CASP4: variants seen among roughly 807,000 people sequenced by gnomAD.
The protein encoded by CASP4 is caspase 4.
A neutral mutation model predicts 41.3 loss-of-function variants in CASP4; 29 were observed. The ratio of observed to expected loss-of-function variants is 0.70; its 90% CI spans 0.52 to 0.96. The LOEUF (loss-of-function observed/expected upper bound fraction) is 0.96, where lower values mean the gene tolerates loss of function less well. Ranked by LOEUF, CASP4 falls within the 40% of genes least tolerant of loss-of-function variation. The probability of loss-of-function intolerance (pLI) is 0.00; values close to 1 mark genes in which losing one functional copy is unlikely to be tolerated. For missense variants in CASP4, 447 were observed against 460.6 expected (o/e 0.97, Z 0.27); for synonymous variants, 185 against 158.4 (o/e 1.17, Z -1.26).
At chr11:104,949,869 T>G in intron 4 of CASP4, 92 bp from the exon 5 acceptor site, 6 of 1,181,280 alleles carry the variant, frequency 5.1e-6, no homozygotes, top group South Asian at 1.3e-5. Context: ...GAAACATATG[T>G]AACATCCAGG....
intron 2 of CASP4, among the ~76,000 whole-genome samples, chr11:104,953,305 G>A (rs1358689449): frequency 6.6e-6 from 1 of 152,084 alleles, no homozygotes. Context: ...CCTGTGAGGG[G>A]TTGCCGCTGC....
chr11:104,962,922 C>T (rs1391414121), intron 1 of CASP4, among the ~76,000 whole-genome samples: 1 of 152,196 alleles, frequency 6.6e-6, no homozygotes, highest in Non-Finnish European at 1.5e-5. Context: ...TGGATAGCTT[C>T]TGATTTCCTC....
chr11:104,958,960 CAAAAAAAAAAA>C (rs56678254), intron 1 of CASP4, among the ~76,000 whole-genome samples: 2 of 62,466 alleles, frequency 3.2e-5, no homozygotes, highest in African/African-American at 1.2e-4. Flanking sequence ...GACTCTGTCT[CAAAAAAAAAAA>C]AAAAAAAAAA....
At chr11:104,952,113 G>A in intron 2 of CASP4, 108 bp from the exon 3 acceptor site, 1 of 670,164 alleles carries the variant, frequency 1.5e-6, no homozygotes, top group Non-Finnish European at 2.7e-6. Context: ...TTCACATATA[G>A]GGGTTTTAGT....
chr11:104,942,869 G>A lies in CASP4; in HGVS notation c.*110C>T, dbSNP rs56380626. On this transcript the variant is annotated 3_prime_UTR_variant, in exon 9 of 9. Transcript: ENST00000444739. ...TCTCTATTAGAAAAAGACACAGTTC[G>A]TTTGTCTTCACTTTTATTGAAATAC... 9.8e-3 allele frequency: 4,465 copies of A among 456,068 alleles called. 189 individuals are homozygous for A. Among genetic ancestry groups the A allele is most frequent in the African/African-American group, 0.08 (4,025 of 50,116 alleles). The allele number at this position is 456,068 out of a possible 1,614,324, so 28.3% of individuals were successfully genotyped here.
chr11:104,961,859 TGGAGAAAGTTCAATA>T (rs1860868150), intron 1 of CASP4, among the ~76,000 whole-genome samples: 1 of 152,200 alleles, frequency 6.6e-6, no homozygotes, highest in Admixed American at 6.5e-5. Context: ...CGATGAGCCC[TGGAGAAAGTTCAATA>T]GGCCTGTCTC....
intron 4 of CASP4, 22 bp downstream of exon 4, chr11:104,950,903 G>T (rs1471874180): frequency 5.0e-6 from 8 of 1,605,450 alleles, no homozygotes; most frequent in Non-Finnish European, 6.8e-6. Context: ...GTATGTGTTT[G>T]TGGCGGCTGA....
chr11:104,964,078 T>C (rs1860920651), intron 1 of CASP4, among the ~76,000 whole-genome samples: 1 of 152,232 alleles, frequency 6.6e-6, no homozygotes, highest in Admixed American at 6.5e-5. Flanking sequence ...ATTATAATTG[T>C]TATACAAAAT....
intron 1 of CASP4, 128 bp from the exon 2 acceptor site, chr11:104,955,129 T>C (rs898401067): frequency 1.1e-4 from 103 of 899,040 alleles, no homozygotes; most frequent in Non-Finnish European, 1.6e-4. Flanking sequence ...TGTCTTCTTG[T>C]ACCTATAGAG....
In CASP4 at chr11:104,968,543, CT is replaced by C; in HGVS notation, c.-19del. ...CCTGCCATAGGGAACAGCCTCTGTC[CT>C]TTTTTACAGCGTTGGAAAGAGCCTC... On this transcript the variant is annotated 5_prime_UTR_variant, in exon 1 of 9. Transcript: ENST00000444739. 1 of 1,612,714 alleles carries C rather than the reference CT, an allele frequency of 6.2e-7. No individual in the cohort carries two copies.
At chr11:104,952,131 C>G (rs1860632157) in intron 2 of CASP4, 126 bp from the exon 3 acceptor site, 19 of 612,818 alleles carry the variant, frequency 3.1e-5, no homozygotes, top group Non-Finnish European at 5.3e-5. Flanking sequence ...AGTTGTATCT[C>G]ATATCTAGTA....
rs1444699460 is a variant in CASP4 at position 104,947,137 on chromosome 11, G to A, written c.981C>T (p.Ile327=). Residue 327 remains isoleucine, a synonymous_variant, in exon 7 of 9, where the codon ATC becomes ATT. Coordinates refer to ENST00000444739, the MANE Select transcript of CASP4 (RefSeq NM_001225.4). ...TMGSIFITQL[I]TCFQKYSWCC... ...ACCAAGAATATTTCTGGAAGCATGT[G>A]ATGAGTTGTGTGATGAAGATAGAGC... 5 of 1,613,106 alleles carry A rather than the reference G, an allele frequency of 3.1e-6. No homozygotes were observed. Among genetic ancestry groups the A allele is most frequent in the Non-Finnish European group, 4.2e-6 (5 of 1,179,340 alleles).
chr11:104,949,515 C>T, intron 5 of CASP4, 28 bp downstream of exon 5: 1 of 1,606,738 alleles, frequency 6.2e-7, no homozygotes, highest in Non-Finnish European at 8.5e-7. Context: ...ACCTTCATAA[C>T]TGTTAGATGT....
intron 7 of CASP4, among the ~76,000 whole-genome samples, chr11:104,946,123 A>G (rs968373812): frequency 6.6e-6 from 1 of 152,174 alleles, no homozygotes; most frequent in Non-Finnish European, 1.5e-5. Flanking sequence ...CTGGGATTAC[A>G]GGAATGAGTG....
intron 1 of CASP4, among the ~76,000 whole-genome samples, chr11:104,957,803 A>AC (rs1260623691): frequency 6.6e-6 from 1 of 152,056 alleles, no homozygotes; most frequent in African/African-American, 2.4e-5. Flanking sequence ...ATGGAATCAC[A>AC]CACAAAAAAA....
chr11:104,951,765 A>G, intron 3 of CASP4, 131 bp downstream of exon 3: 1 of 700,448 alleles, frequency 1.4e-6, no homozygotes, highest in Non-Finnish European at 2.6e-6. Context: ...TCTTTCCCTT[A>G]GTAAAAGCAT....
intron 5 of CASP4, 55 bp from the exon 6 acceptor site, chr11:104,948,731 A>G: frequency 6.7e-7 from 1 of 1,484,608 alleles, no homozygotes; most frequent in Admixed American, 2.0e-5. Context: ...AATGGCTGTC[A>G]CAGTTGCCCA....
At position 104,944,645 on chromosome 11, in the gene CASP4, A is replaced by G. The variant is rs56252331; in HGVS notation, c.*5+103T>C. 893 of 724,482 alleles carry G rather than the reference A, an allele frequency of 1.2e-3. 19 individuals carry two copies. The East Asian group carries it at 0.022, about 18-fold the overall frequency. The allele number at this position is 724,482 out of a possible 1,614,324, so 44.9% of individuals were successfully genotyped here. On this transcript the variant is annotated intron_variant, in intron 8 of 8. Transcript: ENST00000444739. ...CCAGACTATATCAACAAAAACACCAATTTGACCATCCAAGTACTCAGCTGT... is the reference window on the plus strand; with the variant it reads ...CCAGACTATATCAACAAAAACACCAGTTTGACCATCCAAGTACTCAGCTGT...
chr11:104,948,302 T>TA (rs917690410), intron 6 of CASP4: 103 of 330,688 alleles, frequency 3.1e-4, no homozygotes, highest in East Asian at 8.9e-4. Flanking sequence ...ATGGGCTTAA[T>TA]AAAAAAAACA....
Sources: allele counts gnomAD v4.1 joint callset (sites outside exome capture counted in the v4.1 genomes callset), GRCh38; gene constraint gnomAD v4.1.1; transcripts MANE v1.5; gene names NCBI Gene and HGNC (gene_info 2026-07-23, HGNC 2026-07-21).